Variants in ADGRB1 observed in about 807,000 individuals in gnomAD.
ADGRB1 encodes adhesion G protein-coupled receptor B1, also known as brain-specific angiogenesis inhibitor 1.
In ADGRB1, 36 loss-of-function variants were observed where a neutral mutation model predicts 175.7. The ratio of observed to expected loss-of-function variants is 0.20; its 90% CI spans 0.16 to 0.27. ADGRB1 has a LOEUF of 0.27. Ranked by LOEUF, ADGRB1 falls within the 10% of genes least tolerant of loss-of-function variation. The pLI is 1.00. For synonymous variants in ADGRB1, 1,054 were observed against 979.4 expected (o/e 1.08, Z -1.42); for missense variants, 1,731 against 2,255.3 (o/e 0.77, Z 4.71).
At chr8:142,463,227 C>T (rs990135898) in intron 1 of ADGRB1, among the ~76,000 whole-genome samples, 2 of 152,172 alleles carry the variant, frequency 1.3e-5, no homozygotes, top group African/African-American at 4.8e-5. Context: ...CTTTAGGGCA[C>T]GAGGGCACAC....
At position 142,520,898 on chromosome 8, in the gene ADGRB1, C is replaced by T; in HGVS notation, c.2997C>T (p.Leu999=). ...LSIISSNALI[L]IGQTQTRNKV... The stretch of plus-strand genomic sequence containing the variant: ...TCATCTCCTCCAATGCCCTCATCCT[C>T]ATCGGGCAGACCCAGACCCGCAACA... The change falls in exon 20 of 31, where the codon CTC becomes CTT. Residue 999 remains leucine, a synonymous_variant. Coordinates refer to ENST00000517894, the MANE Select transcript of ADGRB1 (RefSeq NM_001702.3). 1 of 1,613,616 alleles carries T rather than the reference C, an allele frequency of 6.2e-7. No homozygotes were observed. The highest frequency in any genetic ancestry group is 1.1e-5 in the South Asian group (1 of 91,082).
intron 13 of ADGRB1, among the ~76,000 whole-genome samples, chr8:142,486,416 G>A (rs573066502): frequency 2.0e-5 from 3 of 152,344 alleles, no homozygotes; most frequent in Admixed American, 6.5e-5. Context: ...TGCCATGACC[G>A]GGTTGATGAC....
chr8:142,508,229 C>A (rs545118819), intron 17 of ADGRB1, among the ~76,000 whole-genome samples: 2 of 152,236 alleles, frequency 1.3e-5, no homozygotes, highest in South Asian at 4.2e-4. Context: ...TGCTGCACAG[C>A]CACCAGCCAG....
rs1006889160 is a variant in ADGRB1, at chr8:142,504,476, C to T, written c.2676-6456C>T. ...CCAAGGGAGGCCCCTCTGGGATGGT[C>T]GCGGGGGGCTCTGGCTGCTGGGTGA... is the stretch of plus-strand genomic sequence containing the variant. On this transcript the variant is annotated intron_variant, in intron 17 of 30. Coordinates refer to ENST00000517894, the MANE Select transcript of ADGRB1 (RefSeq NM_001702.3). This position sits in a 1 kb window ranked among gnomAD's most constrained non-coding sequence, Gnocchi z 5.6. Among the ~76,000 whole-genome samples the T allele has an allele frequency of 2.0e-5, 3 of 152,096 alleles. No homozygotes were observed. Among genetic ancestry groups the T allele is most frequent in the African/African-American group, 4.8e-5 (2 of 41,402 alleles).
intron 17 of ADGRB1, among the ~76,000 whole-genome samples, chr8:142,501,355 GTGA>G (rs1842520216): frequency 6.6e-6 from 1 of 151,326 alleles, no homozygotes; most frequent in African/African-American, 2.4e-5. Flanking sequence ...CGTGGTCATA[GTGA>G]TGGTGGTGGT....
chr8:142,519,821 G>A (rs886358569), intron 19 of ADGRB1, among the ~76,000 whole-genome samples: 1 of 151,762 alleles, frequency 6.6e-6, no homozygotes, highest in Non-Finnish European at 1.5e-5. Flanking sequence ...TGGTGCTGGT[G>A]CTGGTGATTG....
At chr8:142,515,350 A>G (rs886498954) in intron 18 of ADGRB1, among the ~76,000 whole-genome samples, 10 of 152,138 alleles carry the variant, frequency 6.6e-5, no homozygotes, top group Non-Finnish European at 1.2e-4. Flanking sequence ...TGCCCAGGCC[A>G]CCGCCCATCC....
chr8:142,502,057 G>GA (rs1842594867), intron 17 of ADGRB1, among the ~76,000 whole-genome samples: 2 of 94,026 alleles, frequency 2.1e-5, no homozygotes, highest in Non-Finnish European at 4.6e-5. Flanking sequence ...ATGGTGGTCG[G>GA]GGTGGGGGTG....
chr8:142,510,785 C>A lies in ADGRB1; in HGVS notation c.2676-147C>A. ...GCGGGGCCTGGCGGCGGCGGGCGGA[C>A]GGGCGCGCGGCTGCGGGCGCAGGTG... On this transcript the variant is annotated intron_variant, in intron 17 of 30. Coordinates refer to ENST00000517894, the MANE Select transcript of ADGRB1 (RefSeq NM_001702.3). This position sits in a 1 kb window ranked among gnomAD's most constrained non-coding sequence, Gnocchi z 6.3. The A allele has an allele frequency of 5.2e-6, 1 of 192,536 alleles. No homozygotes were observed. Among genetic ancestry groups the A allele is most frequent in the Non-Finnish European group, 9.2e-6 (1 of 109,090 alleles). 11.9% of individuals were successfully genotyped at this position (192,536 alleles called of 1,614,324 possible). A position where few individuals can be genotyped will look rare whatever the true frequency, so the allele number is the denominator to read the frequency against.
chr8:142,490,635 C>G, intron 16 of ADGRB1, 137 bp from the exon 17 acceptor site: 1 of 1,017,268 alleles, frequency 9.8e-7, no homozygotes, highest in Non-Finnish European at 1.4e-6. Context: ...GTTTCCTCCT[C>G]GCAAAACGCA....
At position 142,504,312 on chromosome 8, in the gene ADGRB1, C is replaced by T. The variant is rs533204378; in HGVS notation, c.2676-6620C>T. 1.4e-3 allele frequency among the ~76,000 whole-genome samples: 210 copies of T among 152,274 alleles called. No individual in the cohort carries two copies. The highest frequency in any genetic ancestry group is 4.5e-3 in the African/African-American group (185 of 41,560). On this transcript the variant is annotated intron_variant, in intron 17 of 30. Coordinates refer to ENST00000517894, the MANE Select transcript of ADGRB1 (RefSeq NM_001702.3). The surrounding 1 kb of genome is among the most constrained non-coding windows in gnomAD (Gnocchi z 5.6). ...AGGGGGAGGCTAATCACACAGGATG[C>T]GGGGCCTGTGGCCAGGGGACCAGCC...
chr8:142,544,555 C>T lies in ADGRB1; in HGVS notation c.*138C>T. The T allele has an allele frequency of 1.9e-6, 2 of 1,054,736 alleles. 1 individual carries two copies. The highest frequency in any genetic ancestry group is 4.1e-5 in the South Asian group (2 of 49,166). 65.3% of individuals were successfully genotyped at this position (1,054,736 alleles called of 1,614,324 possible). The stretch of plus-strand genomic sequence containing the variant: ...GGCCTCAGGGCGCTCAGACGGCGGC[C>T]AGGCACAGGGCCCGCAGTGCTGGGA... On this transcript the variant is annotated 3_prime_UTR_variant, in exon 31 of 31. Coordinates refer to ENST00000517894, the MANE Select transcript of ADGRB1 (RefSeq NM_001702.3).
intron 1 of ADGRB1, among the ~76,000 whole-genome samples, chr8:142,462,592 A>G (rs573672730): frequency 1.1e-3 from 173 of 152,342 alleles, no homozygotes; most frequent in Non-Finnish European, 2.1e-3. Context: ...GGACGCCAGG[A>G]GGGGACTGCA....
chr8:142,488,892 G>A (rs1841840306), intron 14 of ADGRB1, 143 bp from the exon 15 acceptor site: 1 of 1,023,670 alleles, frequency 9.8e-7, no homozygotes, highest in African/African-American at 1.6e-5. Context: ...TGGGTGGGTG[G>A]GCCTCACCAT....
In ADGRB1 at chr8:142,511,514, G is replaced by T. The variant is rs1563726751; in HGVS notation, c.2817+441G>T. 6.6e-6 allele frequency among the ~76,000 whole-genome samples: 1 copy of T among 152,158 alleles called. No individual in the cohort carries two copies. Among genetic ancestry groups the T allele is most frequent in the Non-Finnish European group, 1.5e-5 (1 of 68,010 alleles). On this transcript the variant is annotated intron_variant, in intron 18 of 30. Transcript: ENST00000517894. This position sits in a 1 kb window ranked among gnomAD's most constrained non-coding sequence, Gnocchi z 4.5. ...AGCTGCCGCCTTGGCAGAGCCCTTC[G>T]ACCCACCCCAAGTAGAGCCTGGTCC...
intron 8 of ADGRB1, 27 bp from the exon 9 acceptor site, chr8:142,479,666 G>C (rs1453620035): frequency 6.2e-7 from 1 of 1,604,648 alleles, no homozygotes; most frequent in African/African-American, 1.3e-5. Flanking sequence ...ACCCCTTCCT[G>C]AACCCCTGTC....
chr8:142,497,423 C>T (rs938302516), intron 17 of ADGRB1, among the ~76,000 whole-genome samples: 1 of 152,034 alleles, frequency 6.6e-6, no homozygotes, highest in African/African-American at 2.4e-5. Context: ...GTCCCCGGGT[C>T]GCTGTCAGCA....
chr8:142,467,384 G>A (rs13281009), intron 2 of ADGRB1, among the ~76,000 whole-genome samples: 4,994 of 152,326 alleles, frequency 0.033, 116 homozygotes, highest in South Asian at 0.091. Context: ...CAGCAGCAGT[G>A]GGAGGGAAGA....
At position 142,493,282 on chromosome 8, in the gene ADGRB1, T is replaced by G. The variant is rs58657664; in HGVS notation, c.2675+2467T>G. 0.14 allele frequency among the ~76,000 whole-genome samples: 21,530 copies of G among 152,058 alleles called. 2,929 individuals are homozygous for G. Among genetic ancestry groups the G allele is most frequent in the African/African-American group, 0.36 (14,866 of 41,448 alleles). ...GCCGAAGAGGACATGCTGCGTGGCCTTGGGCAGAGCCTGTGCCCTGGGAGC... is the reference window on the plus strand; with the variant it reads ...GCCGAAGAGGACATGCTGCGTGGCCGTGGGCAGAGCCTGTGCCCTGGGAGC... On this transcript the variant is annotated intron_variant, in intron 17 of 30. Transcript: ENST00000517894. This position sits in a 1 kb window ranked among gnomAD's most constrained non-coding sequence, Gnocchi z 5.0.
Sources: allele counts gnomAD v4.1 joint callset (sites outside exome capture counted in the v4.1 genomes callset), GRCh38; gene constraint gnomAD v4.1.1; non-coding constraint Gnocchi (gnomAD v3.1); transcripts MANE v1.5; gene names NCBI Gene and HGNC (gene_info 2026-07-23, HGNC 2026-07-21).